Variants in LARGE1 observed in about 807,000 individuals in gnomAD.
The protein encoded by LARGE1 is xylosyl- and glucuronyltransferase LARGE1.
LARGE1 carries 43 observed loss-of-function variants against 87.6 expected under a neutral mutation model. That is an observed-to-expected ratio of 0.49 (90% CI 0.38 to 0.63). LARGE1 has a LOEUF of 0.63. LARGE1 is among the 30% of genes least tolerant of loss of function. The pLI is 0.00. For synonymous variants in LARGE1, 434 were observed against 394.6 expected (o/e 1.10, Z -1.18); for missense variants, 802 against 1,000.2 (o/e 0.80, Z 2.67).
chr22:33,618,620 T>C (rs548305928), intron 4 of LARGE1, among the ~76,000 whole-genome samples: 17 of 152,382 alleles, frequency 1.1e-4, no homozygotes, highest in African/African-American at 4.1e-4. Context: ...CTAGAAATAC[T>C]GATGCCCAGG....
At chr22:33,279,163 A>G (rs554432018) in intron 13 of LARGE1, among the ~76,000 whole-genome samples, 1 of 152,330 alleles carries the variant, frequency 6.6e-6, no homozygotes, top group South Asian at 2.1e-4. Flanking sequence ...TGAGATGGCA[A>G]TATGCCTCTA....
chr22:33,425,008 A>C (rs2066827316), intron 7 of LARGE1, among the ~76,000 whole-genome samples: 1 of 152,144 alleles, frequency 6.6e-6, no homozygotes, highest in Non-Finnish European at 1.5e-5. Flanking sequence ...TCACGCCTGT[A>C]ATCCCAGCAC....
chr22:33,570,822 G>T (rs1277234110), intron 5 of LARGE1, among the ~76,000 whole-genome samples: 1 of 151,914 alleles, frequency 6.6e-6, no homozygotes, highest in African/African-American at 2.4e-5. Flanking sequence ...AATCCACACT[G>T]GTATTAATCT....
intron 6 of LARGE1, among the ~76,000 whole-genome samples, chr22:33,558,273 T>C (rs778164236): frequency 6.6e-6 from 1 of 152,122 alleles, no homozygotes; most frequent in Non-Finnish European, 1.5e-5. Flanking sequence ...TTTGATTCCT[T>C]TCCTATGGGC....
chr22:33,635,531 C>T (rs1236937796), intron 3 of LARGE1, among the ~76,000 whole-genome samples: 4 of 152,110 alleles, frequency 2.6e-5, no homozygotes, highest in African/African-American at 9.7e-5. Flanking sequence ...GATCCTCAGC[C>T]ACTGCCTCTA....
chr22:33,430,169 C>A (rs1157958859), intron 7 of LARGE1, among the ~76,000 whole-genome samples: 1 of 152,208 alleles, frequency 6.6e-6, no homozygotes, highest in Admixed American at 6.5e-5. Context: ...TTCAGGGTTG[C>A]AGCCTTCGAT....
Position 33,540,513 on chromosome 22 carries a change from G to A in LARGE1, c.787+24335C>T, listed in dbSNP as rs565624402. Among the ~76,000 whole-genome samples the A allele has an allele frequency of 1.6e-4, 24 of 152,260 alleles. No homozygotes were observed. In the South Asian group the frequency reaches 1.7e-3, roughly 11 times the overall value. On this transcript the variant is annotated intron_variant, in intron 6 of 14. Transcript: ENST00000397394. ...GGACAAGTGCCAGGATTTTAATCCCGTCTCCAAACACTCCTCCCAAACAGT... is the reference window on the plus strand; with the variant it reads ...GGACAAGTGCCAGGATTTTAATCCCATCTCCAAACACTCCTCCCAAACAGT...
chr22:33,429,297 T>C (rs1444412369), intron 7 of LARGE1, among the ~76,000 whole-genome samples: 1 of 152,212 alleles, frequency 6.6e-6, no homozygotes, highest in East Asian at 1.9e-4. Context: ...AGTCCTTTCA[T>C]AATAATCACT....
intron 2 of LARGE1, among the ~76,000 whole-genome samples, chr22:33,683,843 G>A (rs1423299469): frequency 1.3e-5 from 2 of 152,142 alleles, no homozygotes; most frequent in Non-Finnish European, 2.9e-5. Flanking sequence ...TACTCTCTCT[G>A]GAGCCCTTGA....
At chr22:33,320,170 C>T (rs940255586) in intron 10 of LARGE1, among the ~76,000 whole-genome samples, 1 of 152,168 alleles carries the variant, frequency 6.6e-6, no homozygotes, top group Non-Finnish European at 1.5e-5. Context: ...TCCTTGTTGA[C>T]AATTACGGGC....
At chr22:33,830,394 G>A (rs370570675) in intron 1 of LARGE1, among the ~76,000 whole-genome samples, 45 of 152,262 alleles carry the variant, frequency 3.0e-4, no homozygotes, top group African/African-American at 1.1e-3. Flanking sequence ...GCTCACAGGT[G>A]AAGGAATTGT....
At position 33,208,967 on chromosome 22, in the gene LARGE1, A is replaced by G. The variant is rs370542296; in HGVS notation, c.1731-42135T>C. ...GTGCCACACTTTCTTTATCCAGTCT[A>G]TCATTGATGGGCATTTGGGTTGGTT... On this transcript the variant is annotated intron_variant, in intron 11 of 11. Coordinates refer to the LARGE1 transcript ENST00000608642. Among the ~76,000 whole-genome samples the G allele has an allele frequency of 3.3e-5, 5 of 152,316 alleles. No individual in the cohort carries two copies. In the East Asian group the frequency reaches 9.6e-4, roughly 29 times the overall value.
intron 6 of LARGE1, among the ~76,000 whole-genome samples, chr22:33,471,724 C>T (rs1488110838): frequency 6.6e-6 from 1 of 152,078 alleles, no homozygotes; most frequent in African/African-American, 2.4e-5. Flanking sequence ...CTGGGCTGAT[C>T]TTATGATCAA....
chr22:33,909,161 C>T (rs1038775728), intron 1 of LARGE1, among the ~76,000 whole-genome samples: 2 of 152,150 alleles, frequency 1.3e-5, no homozygotes, highest in Non-Finnish European at 2.9e-5. Flanking sequence ...GCTTGTGTCA[C>T]GAGTGGACTT....
intron 6 of LARGE1, among the ~76,000 whole-genome samples, chr22:33,516,706 C>T (rs1266947843): frequency 6.6e-6 from 1 of 152,084 alleles, no homozygotes; most frequent in African/African-American, 2.4e-5. Context: ...TCTCCTGCCT[C>T]AGCCTCCCAA....
chr22:33,546,491 T>A (rs2077364135), intron 6 of LARGE1, among the ~76,000 whole-genome samples: 1 of 152,240 alleles, frequency 6.6e-6, no homozygotes. Flanking sequence ...CCCCCTTTTC[T>A]CTCACCATAG....
At position 33,433,550 on chromosome 22, in the gene LARGE1, C is replaced by T. The variant is rs1454190160; in HGVS notation, c.788-1285G>A. 7.8e-5 allele frequency among the ~76,000 whole-genome samples: 11 copies of T among 141,930 alleles called. No homozygotes were observed. In the East Asian group the frequency reaches 2.1e-3, roughly 27 times the overall value. 93.1% of individuals were successfully genotyped at this position (141,930 alleles called of 152,430 possible). A position where few individuals can be genotyped will look rare whatever the true frequency, so the allele number is the denominator to read the frequency against. ...GGCGGAGCTTGCAGTGAGCCGAGAT[C>T]GCACCACTGCACTCCAGTCTGGGTG... is the stretch of plus-strand genomic sequence containing the variant. On this transcript the variant is annotated intron_variant, in intron 6 of 14. Coordinates refer to ENST00000397394, the MANE Select transcript of LARGE1 (RefSeq NM_133642.5).
At chr22:33,073,209 G>T in the LARGE1 span, among the ~76,000 whole-genome samples, 2 of 152,130 alleles carry the variant, frequency 1.3e-5, no homozygotes, top group East Asian at 3.9e-4. Flanking sequence ...CATTCCTAAA[G>T]TTTAAATAAA....
intron 6 of LARGE1, among the ~76,000 whole-genome samples, chr22:33,499,266 T>C (rs989337901): frequency 6.6e-6 from 1 of 152,216 alleles, no homozygotes; most frequent in African/African-American, 2.4e-5. Context: ...TACAGCTTCC[T>C]CCTATTTCCT....
Sources: allele counts gnomAD v4.1 joint callset (sites outside exome capture counted in the v4.1 genomes callset), GRCh38; gene constraint gnomAD v4.1.1; transcripts MANE v1.5; gene names NCBI Gene and HGNC (gene_info 2026-07-23, HGNC 2026-07-21).